HPS3: variants seen among roughly 807,000 people sequenced by gnomAD.
HPS3 encodes the protein HPS3 biogenesis of lysosomal organelles complex 2 subunit 1.
A neutral mutation model predicts 110.9 loss-of-function variants in HPS3; 79 were observed. The ratio of observed to expected loss-of-function variants is 0.71; its 90% CI spans 0.59 to 0.86. The LOEUF is 0.86. Ranked by LOEUF, HPS3 falls within the 40% of genes least tolerant of loss-of-function variation. The pLI, the probability that HPS3 is intolerant of heterozygous loss-of-function variation, is 0.00. For missense variants in HPS3, 1,197 were observed against 1,206.2 expected (o/e 0.99, Z 0.11); for synonymous variants, 428 against 451.0 (o/e 0.95, Z 0.65).
intron 14 of HPS3, among the ~76,000 whole-genome samples, chr3:149,165,276 G>A (rs1724303829): frequency 6.6e-6 from 1 of 152,098 alleles, no homozygotes; most frequent in South Asian, 2.1e-4. Context: ...ATTGTAATTG[G>A]AATAAGTGCT....
chr3:149,173,417 A>AT lies in HPS3; in HGVS notation c.*1196dup, dbSNP rs1725183718. On this transcript the variant is annotated 3_prime_UTR_variant, in exon 17 of 17. Transcript: ENST00000296051. ...CACCCAGGAGAATATCTGGTCATAG[A>AT]TCTTTTTTTAAATGCAGTTTTATAA... is the stretch of plus-strand genomic sequence containing the variant. The AT allele has an allele frequency of 4.4e-6, 1 of 228,898 alleles. No individual in the cohort carries two copies. Among genetic ancestry groups the AT allele is most frequent in the Non-Finnish European group, 8.6e-6 (1 of 116,436 alleles). The allele number at this position is 228,898 out of a possible 1,614,324, so 14.2% of individuals were successfully genotyped here.
In HPS3 at chr3:149,172,243, C is replaced by T. The variant is rs1486126589; in HGVS notation, c.*21C>T. 6.4e-6 allele frequency: 10 copies of T among 1,573,206 alleles called. No individual in the cohort carries two copies. Among genetic ancestry groups the T allele is most frequent in the Non-Finnish European group, 7.8e-6 (9 of 1,153,594 alleles). ...CTTAAAGGTATCATTTGAAAAATACCATAATGGCATTTGAGACTGAATTTC... is the reference window on the plus strand; with the variant it reads ...CTTAAAGGTATCATTTGAAAAATACTATAATGGCATTTGAGACTGAATTTC... On this transcript the variant is annotated 3_prime_UTR_variant, in exon 17 of 17. Coordinates refer to ENST00000296051, the MANE Select transcript of HPS3 (RefSeq NM_032383.5).
In HPS3 at chr3:149,158,782, A is replaced by G; in HGVS notation, c.1808A>G (p.Glu603Gly). 1 of 1,610,542 alleles carries G rather than the reference A, an allele frequency of 6.2e-7. No homozygotes were observed. The highest frequency in any genetic ancestry group is 1.3e-5 in the African/African-American group (1 of 74,978). The change falls in exon 10 of 17, where the codon GAG (glutamate) becomes GGG (glycine). Residue 603 changes from glutamate (E) to glycine (G), a missense_variant. Physicochemically the swap from Glu to Gly is moderately conservative, Grantham distance 98. Coordinates refer to ENST00000296051, the MANE Select transcript of HPS3 (RefSeq NM_032383.5). ...WTVEDGLQKY[E>G]RGLIFYINHS... Reference sequence around the variant, plus strand: ...GTAGAGGATGGATTACAGAAATACGAGAGAGGATTAATCTTTTACATTAAT... The same window carrying G: ...GTAGAGGATGGATTACAGAAATACGGGAGAGGATTAATCTTTTACATTAAT...
chr3:149,141,701 A>AT (rs997905922), intron 4 of HPS3, among the ~76,000 whole-genome samples: 3 of 142,916 alleles, frequency 2.1e-5, no homozygotes, highest in Non-Finnish European at 4.6e-5. Context: ...GCCCGGCTAA[A>AT]TTTTTTTGTA....
intron 4 of HPS3, among the ~76,000 whole-genome samples, chr3:149,145,037 A>T (rs1722705409): frequency 1.3e-5 from 2 of 152,016 alleles, no homozygotes. Context: ...GCTTGCTCAG[A>T]TTATTTATTA....
intron 5 of HPS3, among the ~76,000 whole-genome samples, chr3:149,149,580 T>C (rs927394742): frequency 6.6e-6 from 1 of 152,144 alleles, no homozygotes; most frequent in African/African-American, 2.4e-5. Context: ...ACTGAAAATA[T>C]CAGAATGCCT....
At chr3:149,132,812 A>G (rs576284276) in intron 1 of HPS3, among the ~76,000 whole-genome samples, 2 of 152,376 alleles carry the variant, frequency 1.3e-5, no homozygotes, top group South Asian at 4.1e-4. Context: ...TTCAGGATTC[A>G]TGGAAGGAGA....
intron 1 of HPS3, 27 bp downstream of exon 1, chr3:149,129,967 G>A: frequency 6.5e-7 from 1 of 1,529,474 alleles, no homozygotes; most frequent in Non-Finnish European, 8.8e-7. Flanking sequence ...GCCAGGGGCC[G>A]CCTGGGGTCC....
intron 16 of HPS3, among the ~76,000 whole-genome samples, chr3:149,169,474 T>C (rs1389041327): frequency 6.6e-6 from 1 of 152,242 alleles, no homozygotes; most frequent in Non-Finnish European, 1.5e-5. Flanking sequence ...GGGACTTACA[T>C]GCTTAGGAGT....
At chr3:149,131,196 A>G (rs926904162) in intron 1 of HPS3, among the ~76,000 whole-genome samples, 2 of 152,086 alleles carry the variant, frequency 1.3e-5, no homozygotes, top group South Asian at 4.1e-4. Flanking sequence ...TCGTGGCTCA[A>G]TTAAAAACTG....
chr3:149,172,091 A>C lies in HPS3; in HGVS notation c.2888-4A>C. ...TTCTAATTCAGATATTCTTTTCTAC[A>C]CAGAAACATTGTCAATTGTTGCTGT... is the stretch of plus-strand genomic sequence containing the variant. On this transcript the variant is annotated splice_region_variant and splice_polypyrimidine_tract_variant and intron_variant, in intron 16 of 16. Coordinates refer to ENST00000296051, the MANE Select transcript of HPS3 (RefSeq NM_032383.5). The C allele has an allele frequency of 1.2e-6, 2 of 1,612,800 alleles. No individual in the cohort carries two copies. The highest frequency in any genetic ancestry group is 1.7e-5 in the Admixed American group (1 of 60,004).
chr3:149,162,247 A>G lies in HPS3; in HGVS notation c.2206A>G (p.Thr736Ala), dbSNP rs1559922536. The change falls in exon 12 of 17, where the codon ACT becomes GCT. Residue 736 changes from threonine (T) to alanine (A), a missense_variant. Thr to Ala is a moderately conservative substitution (Grantham distance 58). Transcript: ENST00000296051. Reference protein sequence around the residue: ...PTELALHLKETQPGLLVASVL... With the variant: ...PTELALHLKEAQPGLLVASVL... Reference sequence around the variant, plus strand: ...CGAGCTTGCACTTCACTTGAAGGAAACTCAGCCTGGATTGCTTGTGGCTTC... The same window carrying G: ...CGAGCTTGCACTTCACTTGAAGGAAGCTCAGCCTGGATTGCTTGTGGCTTC... The G allele has an allele frequency of 6.2e-7, 1 of 1,613,994 alleles. No homozygotes were observed. Among genetic ancestry groups the G allele is most frequent in the Non-Finnish European group, 8.5e-7 (1 of 1,179,934 alleles).
chr3:149,152,633 A>G (rs1723203458), intron 6 of HPS3, among the ~76,000 whole-genome samples: 3 of 152,174 alleles, frequency 2.0e-5, no homozygotes, highest in Admixed American at 1.3e-4. Flanking sequence ...AAGTTTCACA[A>G]CCTCAAGAGT....
intron 1 of HPS3, among the ~76,000 whole-genome samples, chr3:149,131,131 AAAAAAAAAAC>A (rs995548974): frequency 6.0e-5 from 9 of 150,732 alleles, no homozygotes; most frequent in African/African-American, 2.2e-4. Flanking sequence ...TTAAAAAAAA[AAAAAAAAAAC>A]AAAAAGTTGA....
chr3:149,148,841 C>T (rs1722936522), intron 5 of HPS3, among the ~76,000 whole-genome samples: 1 of 152,076 alleles, frequency 6.6e-6, no homozygotes, highest in Non-Finnish European at 1.5e-5. Context: ...TCTTTCAATG[C>T]CAGCACATTT....
chr3:149,136,213 T>C (rs908333971), intron 1 of HPS3, among the ~76,000 whole-genome samples: 1 of 151,244 alleles, frequency 6.6e-6, no homozygotes, highest in Non-Finnish European at 1.5e-5. Context: ...TACATATATA[T>C]ATACACACAC....
intron 7 of HPS3, 31 bp from the exon 8 acceptor site, chr3:149,155,076 T>C (rs1723359092): frequency 9.1e-7 from 1 of 1,094,144 alleles, no homozygotes; most frequent in Non-Finnish European, 1.4e-6. Flanking sequence ...TAATGTCATT[T>C]TAAAATTCTT....
chr3:149,131,114 G>A (rs113605468), intron 1 of HPS3, among the ~76,000 whole-genome samples: 5,756 of 120,862 alleles, frequency 0.048, 141 homozygotes, highest in African/African-American at 0.086. Context: ...TGGGGTCTGA[G>A]TTTATGTTAA....
At chr3:149,171,060 A>C (rs761671206) in intron 16 of HPS3, among the ~76,000 whole-genome samples, 1 of 152,154 alleles carries the variant, frequency 6.6e-6, no homozygotes, top group East Asian at 1.9e-4. Flanking sequence ...CAGGCGGATC[A>C]TGAGGTCAAG....
Sources: gnomAD v4.1 joint callset for allele counts (sites outside exome capture counted in the v4.1 genomes callset) on GRCh38, gnomAD v4.1.1 for gene constraint, MANE v1.5 for transcripts, NCBI Gene and HGNC (gene_info 2026-07-23, HGNC 2026-07-21) for gene names.